Variants in PCDHGB2 observed in about 807,000 individuals in gnomAD.
PCDHGB2 encodes the protein protocadherin gamma subfamily B, 2, also known as protocadherin gamma-B2.
In PCDHGB2, 55 loss-of-function variants were observed where a neutral mutation model predicts 59.3. The observed-to-expected ratio is 0.93, with a 90% confidence interval of 0.75 to 1.16. The LOEUF (loss-of-function observed/expected upper bound fraction) is 1.16. Among genes scored for constraint, PCDHGB2 ranks in the 50% most tolerant of loss-of-function variants. The pLI is 0.00. For synonymous variants in PCDHGB2, 516 were observed against 512.0 expected (o/e 1.01, Z -0.11); for missense variants, 1,228 against 1,198.5 (o/e 1.02, Z -0.36).
chr5:141,388,118 C>G (rs771996326), intron 1 of PCDHGB2: 1 of 1,412,700 alleles, frequency 7.1e-7, no homozygotes, highest in African/African-American at 1.4e-5. Flanking sequence ...TCACCGTGAG[C>G]GCAGAGAGCG....
intron 1 of PCDHGB2, chr5:141,421,183 A>G (rs1286755310): frequency 2.7e-6 from 4 of 1,457,360 alleles, no homozygotes; most frequent in Admixed American, 4.8e-5. Flanking sequence ...CCGATTCACA[A>G]CCAACCAGCT....
intron 1 of PCDHGB2, among the ~76,000 whole-genome samples, chr5:141,443,179 A>G (rs2098370392): frequency 6.6e-6 from 1 of 152,190 alleles, no homozygotes; most frequent in South Asian, 2.1e-4. Flanking sequence ...TGTCCACTGC[A>G]TCATTCTCTA....
intron 1 of PCDHGB2, chr5:141,418,101 G>T: frequency 6.2e-7 from 1 of 1,614,082 alleles, no homozygotes; most frequent in Non-Finnish European, 8.5e-7. Context: ...GACGCGCAGA[G>T]CGGGGACTTA....
At chr5:141,495,007 G>A in intron 2 of PCDHGB2, 142 bp downstream of exon 2, 4 of 1,522,158 alleles carry the variant, frequency 2.6e-6, no homozygotes, top group Non-Finnish European at 3.5e-6. Context: ...TTGGTGTGCG[G>A]GGGGCTGGCA....
At chr5:141,398,949 C>G in intron 1 of PCDHGB2, 1 of 1,613,948 alleles carries the variant, frequency 6.2e-7, no homozygotes, top group Non-Finnish European at 8.5e-7. Context: ...AGGGCATCAA[C>G]TCAGAAATTA....
rs1029546280 is a variant in PCDHGB2 at position 141,423,551 on chromosome 5, A to G, written c.2421+60995A>G. On this transcript the variant is annotated intron_variant, in intron 1 of 3. Coordinates refer to ENST00000522605, the MANE Select transcript of PCDHGB2 (RefSeq NM_018923.3). ...AGTCACCTGATTTTCCCCCAGCCCA[A>G]CTATGGGGACACGCTCATCAGCCAG... The G allele has an allele frequency of 2.5e-6, 4 of 1,613,498 alleles. No individual in the cohort carries two copies. The African/African-American group carries it at 5.3e-5, about 22-fold the overall frequency.
At chr5:141,393,222 G>T (rs950133126) in intron 1 of PCDHGB2, 2 of 1,613,670 alleles carry the variant, frequency 1.2e-6, no homozygotes, top group East Asian at 2.2e-5. Flanking sequence ...CCAGGTCGAA[G>T]ATCTAGAAGT....
At chr5:141,498,709 A>G (rs1245852373) in intron 2 of PCDHGB2, among the ~76,000 whole-genome samples, 2 of 152,148 alleles carry the variant, frequency 1.3e-5, no homozygotes, top group African/African-American at 4.8e-5. Context: ...AGGTGGGTGG[A>G]TCACCTGAGG....
intron 1 of PCDHGB2, chr5:141,390,568 C>T: frequency 2.4e-6 from 1 of 414,986 alleles, no homozygotes; most frequent in Non-Finnish European, 4.3e-6. Context: ...GTTGTTGGCT[C>T]TCTCCTAAAA....
chr5:141,413,180 C>CCGCTCAAAGGAAT (rs760676891), intron 1 of PCDHGB2: 75 of 1,602,494 alleles, frequency 4.7e-5, no homozygotes, highest in Non-Finnish European at 6.1e-5. Flanking sequence ...ACTACAATGG[C>CCGCTCAAAGGAAT]CGCTCAAAGG....
intron 1 of PCDHGB2, among the ~76,000 whole-genome samples, chr5:141,446,777 CT>C (rs1480571336): frequency 6.6e-6 from 1 of 152,072 alleles, no homozygotes; most frequent in South Asian, 2.1e-4. Context: ...GGTTACCATT[CT>C]TTTACTCTGA....
At position 141,404,471 on chromosome 5, in the gene PCDHGB2, A is replaced by G. The variant is rs200620626; in HGVS notation, c.2421+41915A>G. ...GTCTCCTCTCTCCACCTATGTCTCT[A>G]TTAACTCAGACACTGGTGTGCTGTA... On this transcript the variant is annotated intron_variant, in intron 1 of 3. Coordinates refer to ENST00000522605, the MANE Select transcript of PCDHGB2 (RefSeq NM_018923.3). 307 of 1,613,160 alleles carry G rather than the reference A, an allele frequency of 1.9e-4. No homozygotes were observed. Among genetic ancestry groups the G allele is most frequent in the Non-Finnish European group, 2.5e-4 (293 of 1,179,322 alleles).
intron 1 of PCDHGB2, chr5:141,364,607 G>A (rs775025025): frequency 6.2e-7 from 1 of 1,614,080 alleles, no homozygotes; most frequent in African/African-American, 1.3e-5. Context: ...GATAGACCGG[G>A]AGGAGCTCTG....
At chr5:141,442,947 C>T (rs185574624) in intron 1 of PCDHGB2, among the ~76,000 whole-genome samples, 92 of 152,282 alleles carry the variant, frequency 6.0e-4, no homozygotes, top group African/African-American at 1.7e-3. Flanking sequence ...AACTTCCTCT[C>T]ACTGCAAAAA....
At chr5:141,419,897 A>C in intron 1 of PCDHGB2, 1 of 1,613,960 alleles carries the variant, frequency 6.2e-7, no homozygotes, top group Non-Finnish European at 8.5e-7. Context: ...CGACCATCCC[A>C]CACCCTCTGA....
At chr5:141,427,966 T>C (rs1458559803) in intron 1 of PCDHGB2, 10 of 1,590,764 alleles carry the variant, frequency 6.3e-6, no homozygotes, top group African/African-American at 1.3e-5. Flanking sequence ...CCGCGGGTGC[T>C]GTACCCCGCG....
In PCDHGB2 at chr5:141,362,391, C is replaced by A; in HGVS notation, c.2256C>A (p.Tyr752Ter). The A allele has an allele frequency of 1.2e-6, 2 of 1,614,058 alleles. No homozygotes were observed. Among genetic ancestry groups the A allele is most frequent in the Admixed American group, 3.3e-5 (2 of 60,036 alleles). ...NYSEGTLPYS[Y>*]NLCVASQSAK... ...GTGAGGGTACATTGCCCTATTCCTA[C>A]AACCTGTGTGTTGCCTCACAATCAG... The change falls in exon 1 of 4, where the codon TAC (tyrosine) becomes TAA (stop). Residue 752 changes from tyrosine to a stop codon, truncating the protein, a stop_gained. Transcript: ENST00000522605. LOFTEE classifies it high-confidence loss of function.
intron 1 of PCDHGB2, among the ~76,000 whole-genome samples, chr5:141,438,629 TATATATACACACAC>T (rs1468553117): frequency 3.8e-3 from 181 of 48,054 alleles, no homozygotes; most frequent in Non-Finnish European, 5.4e-3. Flanking sequence ...TATATATATA[TATATATACACACAC>T]ACACACACAT....
chr5:141,372,024 G>C (rs756350888), intron 1 of PCDHGB2: 1 of 1,613,384 alleles, frequency 6.2e-7, no homozygotes, highest in East Asian at 2.2e-5. Context: ...TACGCTCAGC[G>C]CCAACGTGAG....
Sources: allele counts gnomAD v4.1 joint callset (sites outside exome capture counted in the v4.1 genomes callset), GRCh38; gene constraint gnomAD v4.1.1; transcripts MANE v1.5; gene names NCBI Gene and HGNC (gene_info 2026-07-23, HGNC 2026-07-21).